Variants in SPTBN2 observed in about 807,000 individuals in gnomAD.
SPTBN2 encodes spectrin beta chain, non-erythrocytic 2.
Under a neutral mutation model 284.2 loss-of-function variants are expected in SPTBN2, and 107 were observed. The observed-to-expected ratio is 0.38, with a 90% CI of 0.32 to 0.44. The LOEUF (loss-of-function observed/expected upper bound fraction) is 0.44. Ranked by LOEUF, SPTBN2 falls within the 20% of genes least tolerant of loss-of-function variation. The pLI is 1.00. For missense variants in SPTBN2, 2,569 were observed against 3,287.1 expected, an observed-to-expected ratio of 0.78 and a Z score of 5.34; for synonymous variants, 1,289 against 1,354.8, an observed-to-expected ratio of 0.95 and a Z score of 1.07.
Position 66,688,188 on chromosome 11 carries a change from A to C in SPTBN2, c.6355T>G (p.Ser2119Ala). The C allele has an allele frequency of 6.2e-7, 1 of 1,613,554 alleles. No individual in the cohort carries two copies. The highest frequency in any genetic ancestry group is 1.3e-5 in the African/African-American group (1 of 75,006). The change falls in exon 32 of 38, where the codon TCT becomes GCT. Residue 2119 changes from serine to alanine, a missense_variant. By Grantham distance (99) the Ser-to-Ala change is moderately conservative. Around this residue, in one of 6 missense-constraint regions of SPTBN2, gnomAD observed 1,130 missense variants for 1,317.3 expected, o/e 0.86. Coordinates refer to ENST00000533211, the MANE Select transcript of SPTBN2 (RefSeq NM_006946.4). Reference protein sequence around the residue: ...PGDLVGGQTASDTTWDGTQPR... With the variant: ...PGDLVGGQTAADTTWDGTQPR... Reference sequence around the variant, plus strand: ...TCTCACCCGTCCCAGGTGGTGTCAGAAGCTGTCTGGCCGCCCACCAGGTCC... The same window carrying C: ...TCTCACCCGTCCCAGGTGGTGTCAGCAGCTGTCTGGCCGCCCACCAGGTCC...
At position 66,704,804 on chromosome 11, in the gene SPTBN2, C is replaced by T. The variant is rs913464511; in HGVS notation, c.2472G>A (p.Gln824=). ...GCCGCTCCAGGGTGGGCACCCGGCT[C>T]TGCACCTCGGGCGTGCGGCTCAGTG... The part of the protein sequence containing the change: ...PPTLSRTPEV[Q]SRVPTLERHY... Residue 824 remains glutamine, a synonymous_variant, in exon 15 of 38, where the codon CAG becomes CAA. Transcript: ENST00000533211. 1 of 1,605,626 alleles carries T rather than the reference C, an allele frequency of 6.2e-7. No individual in the cohort carries two copies. Among genetic ancestry groups the T allele is most frequent in the Non-Finnish European group, 8.5e-7 (1 of 1,178,792 alleles).
intron 29 of SPTBN2, 91 bp from the exon 30 acceptor site, chr11:66,689,271 C>CT: frequency 1.1e-6 from 1 of 937,906 alleles, no homozygotes; most frequent in Non-Finnish European, 1.5e-6. Flanking sequence ...CAGGTGATTT[C>CT]TTTCTTTCTT....
At chr11:66,717,958 A>G (rs1367129818) in intron 3 of SPTBN2, among the ~76,000 whole-genome samples, 1 of 152,074 alleles carries the variant, frequency 6.6e-6, no homozygotes, top group Non-Finnish European at 1.5e-5. Context: ...CTTTGCTTCC[A>G]CACACACTGC....
At chr11:66,692,153 G>A (rs1459322077) in intron 26 of SPTBN2, among the ~76,000 whole-genome samples, 1 of 152,048 alleles carries the variant, frequency 6.6e-6, no homozygotes, top group African/African-American at 2.4e-5. Context: ...TCACTGCAGT[G>A]TCGACCTCCC....
chr11:66,686,618 CT>C, intron 36 of SPTBN2, 178 bp from the exon 37 acceptor site: 1 of 728,232 alleles, frequency 1.4e-6, no homozygotes, highest in Non-Finnish European at 2.3e-6. Context: ...GAAGCACATC[CT>C]TTCTGACTGG....
At chr11:66,709,939 G>A (rs909958537) in intron 10 of SPTBN2, among the ~76,000 whole-genome samples, 5 of 152,242 alleles carry the variant, frequency 3.3e-5, no homozygotes, top group Admixed American at 6.5e-5. Context: ...GTCAGGTCCA[G>A]TCCCCTCTAT....
At chr11:66,738,057 A>G (rs898639325) in intron 1 of SPTBN2, among the ~76,000 whole-genome samples, 2 of 152,184 alleles carry the variant, frequency 1.3e-5, no homozygotes, top group Admixed American at 1.3e-4. Context: ...TCTATGAAAA[A>G]TACAAAAATT....
chr11:66,686,161 G>C, intron 37 of SPTBN2, 57 bp from the exon 38 acceptor site: 2 of 1,539,596 alleles, frequency 1.3e-6, no homozygotes, highest in Non-Finnish European at 1.8e-6. Flanking sequence ...GTTGGCCGCA[G>C]TGGACAGCAG....
Position 66,701,610 on chromosome 11 carries a change from G to T in SPTBN2, c.2790C>A (p.Val930=). 1 of 1,614,096 alleles carries T rather than the reference G, an allele frequency of 6.2e-7. No homozygotes were observed. The highest frequency in any genetic ancestry group is 2.2e-5 in the East Asian group (1 of 44,874). Residue 930 remains valine (V), a synonymous_variant, in exon 16 of 38, where the codon GTC becomes GTA. Transcript: ENST00000533211. ...TGTGGTTGAGCTGCTCCTGGGTGTT[G>T]ACAATGCGGTCTTTGCCTGGGGGGT... ...KANPPGKDRI[V]NTQEQLNHRW...
At chr11:66,702,296 G>C (rs1941289766) in intron 15 of SPTBN2, among the ~76,000 whole-genome samples, 1 of 152,282 alleles carries the variant, frequency 6.6e-6, no homozygotes, top group East Asian at 1.9e-4. Flanking sequence ...TTCCCGAATA[G>C]CTGGGATTAC....
chr11:66,744,068 C>T (rs1365220459), intron 1 of SPTBN2, among the ~76,000 whole-genome samples: 1 of 152,022 alleles, frequency 6.6e-6, no homozygotes, highest in African/African-American at 2.4e-5. Context: ...ACCATGTTGG[C>T]CAGGCTGGTC....
Position 66,707,889 on chromosome 11 carries a change from A to G in SPTBN2, c.1351-71T>C. 6.4e-7 allele frequency: 1 copy of G among 1,569,298 alleles called. No individual in the cohort carries two copies. The highest frequency in any genetic ancestry group is 8.6e-7 in the Non-Finnish European group (1 of 1,159,242). On this transcript the variant is annotated intron_variant, in intron 12 of 37. Transcript: ENST00000533211. The surrounding 1 kb of genome is among the most constrained non-coding windows in gnomAD (Gnocchi z 4.9). The stretch of plus-strand genomic sequence containing the variant: ...GCCTCTGCCTGCTCCTCTGTCCTGC[A>G]GGGCACTTGGCCTGCAAGATCCCAG...
At position 66,693,671 on chromosome 11, in the gene SPTBN2, G is replaced by T; in HGVS notation, c.4593+101C>A. 7.4e-7 allele frequency: 1 copy of T among 1,345,334 alleles called. No individual in the cohort carries two copies. Among genetic ancestry groups the T allele is most frequent in the South Asian group, 1.3e-5 (1 of 79,352 alleles). 83.3% of individuals were successfully genotyped at this position (1,345,334 alleles called of 1,614,324 possible). A position where few individuals can be genotyped will look rare whatever the true frequency, so the allele number is the denominator to read the frequency against. Reference sequence around the variant, plus strand: ...GGAAAGACAGCCACTGAAGTCCAGGGTTACACTCAGCATCGAGGGGGGCCT... The same window carrying T: ...GGAAAGACAGCCACTGAAGTCCAGGTTTACACTCAGCATCGAGGGGGGCCT... On this transcript the variant is annotated intron_variant, in intron 23 of 37. Transcript: ENST00000533211. The surrounding 1 kb of genome is among the most constrained non-coding windows in gnomAD (Gnocchi z 5.7).
intron 27 of SPTBN2, 165 bp from the exon 28 acceptor site, chr11:66,690,448 C>G: frequency 2.1e-6 from 2 of 936,750 alleles, no homozygotes; most frequent in Non-Finnish European, 3.1e-6. Flanking sequence ...CAGGGGCTGG[C>G]CACACTCTGC....
rs1941628452 is a variant in SPTBN2 at position 66,707,568 on chromosome 11, T to C, written c.1601A>G (p.Gln534Arg). Reference sequence around the variant, plus strand: ...GTAGAGCAGGTCCTGGAACACCTTCTGCAGCTCCAGGTTGAGGAGGAGCCG... The same window carrying C: ...GTAGAGCAGGTCCTGGAACACCTTCCGCAGCTCCAGGTTGAGGAGGAGCCG... ...RERLLLNLELQKVFQDLLYLM... is the reference protein window; with the variant it reads ...RERLLLNLELRKVFQDLLYLM... The change falls in exon 13 of 38, where the codon CAG becomes CGG. Residue 534 changes from glutamine (Q) to arginine (R), a missense_variant. By Grantham distance (43) the Gln-to-Arg change is conservative. Transcript: ENST00000533211. This position sits in a 1 kb window ranked among gnomAD's most constrained non-coding sequence, Gnocchi z 4.9. 1.9e-6 allele frequency: 3 copies of C among 1,611,920 alleles called. No individual in the cohort carries two copies. Among genetic ancestry groups the C allele is most frequent in the African/African-American group, 1.3e-5 (1 of 74,934 alleles).
intron 1 of SPTBN2, among the ~76,000 whole-genome samples, chr11:66,735,457 C>T (rs1416127345): frequency 6.6e-6 from 1 of 151,876 alleles, no homozygotes; most frequent in African/African-American, 2.4e-5. Flanking sequence ...CGCCTGTAGC[C>T]CTAGCACTTT....
upstream of SPTBN2, among the ~76,000 whole-genome samples, chr11:66,732,981 C>CAA (rs57325257): frequency 4.2e-5 from 5 of 118,822 alleles, no homozygotes; most frequent in Non-Finnish European, 7.1e-5. Context: ...ACCAACCAAC[C>CAA]AAAAAAAAAA....
rs1406486171 is a variant in SPTBN2 at position 66,684,024 on chromosome 11, T to G, written c.*1847A>C. ...TTAAGGGGGAAATTATCCTGCAGGC[T>G]CTCTGGTCTACCGGTTTGGAGCCCA... On this transcript the variant is annotated 3_prime_UTR_variant, in exon 38 of 38. Transcript: ENST00000533211. Among the ~76,000 whole-genome samples the G allele has an allele frequency of 6.6e-6, 1 of 152,230 alleles. No homozygotes were observed. The highest frequency in any genetic ancestry group is 1.5e-5 in the Non-Finnish European group (1 of 68,042).
At chr11:66,717,265 G>A (rs368516163) in intron 3 of SPTBN2, among the ~76,000 whole-genome samples, 37 of 152,272 alleles carry the variant, frequency 2.4e-4, no homozygotes, top group African/African-American at 3.4e-4. Flanking sequence ...AATTAAGAAC[G>A]TTCTAAGTGA....
Sources: gnomAD v4.1 joint callset for allele counts (sites outside exome capture counted in the v4.1 genomes callset) on GRCh38, gnomAD v4.1.1 for gene constraint, gnomAD v4.1.1 regional missense constraint, Gnocchi (gnomAD v3.1) non-coding constraint, MANE v1.5 for transcripts, NCBI Gene and HGNC (gene_info 2026-07-23, HGNC 2026-07-21) for gene names.